Variants in ZYG11B observed in about 807,000 individuals in gnomAD.
The protein encoded by ZYG11B is protein zyg-11 homolog B.
Under a neutral mutation model 82.4 loss-of-function variants are expected in ZYG11B, and 36 were observed. That is an observed-to-expected ratio of 0.44 (90% CI 0.33 to 0.58). The LOEUF is 0.58. Ranked by LOEUF, ZYG11B falls within the 20% of genes least tolerant of loss-of-function variation. The pLI is 0.02. For missense variants in ZYG11B, 552 were observed against 895.6 expected (o/e 0.62, Z 4.90); for synonymous variants, 303 against 312.8 (o/e 0.97, Z 0.33).
At chr1:52,776,752 T>C (rs1644814375) in intron 3 of ZYG11B, among the ~76,000 whole-genome samples, 1 of 152,210 alleles carries the variant, frequency 6.6e-6, no homozygotes, top group African/African-American at 2.4e-5. Context: ...CAGCATTTTT[T>C]GTTTTTTTCT....
At chr1:52,790,100 A>G (rs1317886684) in intron 6 of ZYG11B, 33 bp downstream of exon 6, 1 of 1,472,584 alleles carries the variant, frequency 6.8e-7, no homozygotes, top group Non-Finnish European at 9.3e-7. Flanking sequence ...AAAGTGGGGC[A>G]AAACAGAATG....
chr1:52,773,599 CTA>C (rs1204746797), intron 3 of ZYG11B, among the ~76,000 whole-genome samples: 1,141 of 26,014 alleles, frequency 0.044, 31 homozygotes, highest in South Asian at 0.11. Flanking sequence ...ATGCTTTAAA[CTA>C]TATATATATA....
In ZYG11B at chr1:52,799,151, A is replaced by G. The variant is rs570660406; in HGVS notation, c.1485+2367A>G. On this transcript the variant is annotated intron_variant, in intron 8 of 13. Coordinates refer to ENST00000294353, the MANE Select transcript of ZYG11B (RefSeq NM_024646.3). Reference sequence around the variant, plus strand: ...ATAGAAAAAAAATAGCTATGTAGATATGGTTGTAACAAAATCTAAAAAGTA... The same window carrying G: ...ATAGAAAAAAAATAGCTATGTAGATGTGGTTGTAACAAAATCTAAAAAGTA... Among the ~76,000 whole-genome samples the G allele has an allele frequency of 5.3e-5, 8 of 152,190 alleles. No homozygotes were observed. The East Asian group carries it at 1.5e-3, about 29-fold the overall frequency.
chr1:52,762,499 G>A (rs1345451859), intron 2 of ZYG11B, among the ~76,000 whole-genome samples: 3 of 151,602 alleles, frequency 2.0e-5, no homozygotes, highest in East Asian at 1.9e-4. Context: ...ATGAGCCACC[G>A]TGCCTGGCCT....
chr1:52,775,862 T>C (rs1026468868), intron 3 of ZYG11B, among the ~76,000 whole-genome samples: 17 of 150,476 alleles, frequency 1.1e-4, no homozygotes, highest in African/African-American at 1.7e-4. Context: ...TACTTATAAT[T>C]TGAGCAGCCA....
At chr1:52,770,902 G>C in intron 2 of ZYG11B, 118 bp from the exon 3 acceptor site, 1 of 1,125,632 alleles carries the variant, frequency 8.9e-7, no homozygotes, top group South Asian at 1.5e-5. Flanking sequence ...TAAATGAATT[G>C]TGATTATCAG....
intron 1 of ZYG11B, among the ~76,000 whole-genome samples, chr1:52,751,703 C>T (rs1220791598): frequency 6.6e-6 from 1 of 152,100 alleles, no homozygotes; most frequent in Non-Finnish European, 1.5e-5. Context: ...TCCCAAACCC[C>T]TTGGAAGCTC....
At position 52,823,361 on chromosome 1, in the gene ZYG11B, A is replaced by G. The variant is rs1019594284; in HGVS notation, c.*1732A>G. 1 of 151,966 alleles carries G rather than the reference A, an allele frequency of 6.6e-6. No individual in the cohort carries two copies. Among genetic ancestry groups the G allele is most frequent in the South Asian group, 2.1e-4 (1 of 4,814 alleles). 9.4% of individuals were successfully genotyped at this position (151,966 alleles called of 1,614,324 possible). On this transcript the variant is annotated 3_prime_UTR_variant, in exon 14 of 14. Coordinates refer to ENST00000294353, the MANE Select transcript of ZYG11B (RefSeq NM_024646.3). ...ACCTGGGAAACAGAGCGAGACGCTGACTCAAATAAATATCTAAATAGATAT... is the reference window on the plus strand; with the variant it reads ...ACCTGGGAAACAGAGCGAGACGCTGGCTCAAATAAATATCTAAATAGATAT...
At chr1:52,776,975 C>T (rs1358147417) in intron 3 of ZYG11B, among the ~76,000 whole-genome samples, 3 of 151,860 alleles carry the variant, frequency 2.0e-5, no homozygotes, top group Non-Finnish European at 4.4e-5. Flanking sequence ...TTTAGGAGGC[C>T]GAGGTTGGCT....
intron 2 of ZYG11B, among the ~76,000 whole-genome samples, chr1:52,765,798 T>C (rs75894969): frequency 0.054 from 8,257 of 152,230 alleles, 561 homozygotes; most frequent in East Asian, 0.35. Flanking sequence ...CCACTGTGCC[T>C]GCTCATTATT....
intron 6 of ZYG11B, among the ~76,000 whole-genome samples, chr1:52,793,887 C>CCTTCCTTACTTA (rs1553261679): frequency 6.9e-6 from 1 of 144,956 alleles, no homozygotes; most frequent in African/African-American, 2.7e-5. Flanking sequence ...TTCCTTCCTT[C>CCTTCCTTACTTA]CTTCCTTCCT....
intron 2 of ZYG11B, among the ~76,000 whole-genome samples, chr1:52,770,092 A>ATATATAT (rs1553259758): frequency 8.5e-5 from 8 of 94,470 alleles, no homozygotes; most frequent in Non-Finnish European, 1.1e-4. Context: ...ATATATATAT[A>ATATATAT]TTTTTTTTTT....
At chr1:52,803,382 A>T (rs9659246) in intron 10 of ZYG11B, among the ~76,000 whole-genome samples, 5,017 of 143,274 alleles carry the variant, frequency 0.035, 278 homozygotes, top group African/African-American at 0.12. Context: ...GGTTGCAGTG[A>T]GCTGAGACCA....
intron 3 of ZYG11B, among the ~76,000 whole-genome samples, chr1:52,776,227 A>ATATATATATATATATATATAT (rs1553260249): frequency 1.7e-3 from 5 of 2,920 alleles, no homozygotes; most frequent in Non-Finnish European, 0.015. Context: ...CTTAAAAAAA[A>ATATATATATATATATATATAT]AAATATATAT....
chr1:52,732,995 A>T (rs1211012388), intron 1 of ZYG11B, among the ~76,000 whole-genome samples: 3 of 152,046 alleles, frequency 2.0e-5, no homozygotes. Context: ...AAAATTATTA[A>T]CCCAACATAG....
chr1:52,762,384 T>C (rs1349599590), intron 2 of ZYG11B, among the ~76,000 whole-genome samples: 1 of 151,870 alleles, frequency 6.6e-6, no homozygotes, highest in East Asian at 1.9e-4. Flanking sequence ...GTTTTTAAAA[T>C]TTTTTGTAGA....
intron 5 of ZYG11B, among the ~76,000 whole-genome samples, chr1:52,785,387 C>A (rs1644904812): frequency 6.6e-6 from 1 of 152,158 alleles, no homozygotes; most frequent in Admixed American, 6.5e-5. Flanking sequence ...TAAGACATGT[C>A]TTTTCCATTT....
In ZYG11B at chr1:52,756,352, A is replaced by G. The variant is rs559180840; in HGVS notation, c.31-106A>G. 6 of 1,083,550 alleles carry G rather than the reference A, an allele frequency of 5.5e-6. No individual in the cohort carries two copies. In the Admixed American group the frequency reaches 1.1e-4, roughly 20 times the overall value. The allele number at this position is 1,083,550 out of a possible 1,614,324, so 67.1% of individuals were successfully genotyped here. ...CAGTGTCTAGCATATGATAGACACTAAAGAAATACTTGTGAAATGAGTAAA... is the reference window on the plus strand; with the variant it reads ...CAGTGTCTAGCATATGATAGACACTGAAGAAATACTTGTGAAATGAGTAAA... On this transcript the variant is annotated intron_variant, in intron 1 of 13. Transcript: ENST00000294353.
chr1:52,780,803 A>G (rs1051365664), intron 4 of ZYG11B, among the ~76,000 whole-genome samples: 1 of 152,140 alleles, frequency 6.6e-6, no homozygotes, highest in Non-Finnish European at 1.5e-5. Flanking sequence ...GAAGGGCAAG[A>G]AAGGAGATTT....
Sources: allele counts gnomAD v4.1 joint callset (sites outside exome capture counted in the v4.1 genomes callset), GRCh38; gene constraint gnomAD v4.1.1; transcripts MANE v1.5; gene names NCBI Gene and HGNC (gene_info 2026-07-23, HGNC 2026-07-21).